ADORA3: variants seen among roughly 807,000 people sequenced by gnomAD.
ADORA3 encodes adenosine receptor A3.
In ADORA3, 3 loss-of-function variants were observed where a neutral mutation model predicts 5.7. The observed-to-expected ratio is 0.52, with a 90% confidence interval of 0.24 to 1.35. The LOEUF is 1.35. Ranked by LOEUF, ADORA3 falls within the 40% of genes most tolerant of loss-of-function variation. ADORA3 has a pLI of 0.17. For missense variants in ADORA3, 343 were observed against 389.0 expected, an observed-to-expected ratio of 0.88 and a Z score of 0.99; for synonymous variants, 168 against 152.3, an observed-to-expected ratio of 1.10 and a Z score of -0.76.
At chr1:111,500,727 A>G in intron 1 of ADORA3, 171 bp from the exon 2 acceptor site, 1 of 650,190 alleles carries the variant, frequency 1.5e-6, no homozygotes, top group South Asian at 2.1e-5. Context: ...TTCCAGCTAA[A>G]CTCCACTGGA....
At position 111,499,918 on chromosome 1, in the gene ADORA3, G is replaced by A. The variant is rs897809219; in HGVS notation, c.*32C>T. ...GTGTTTGTTGATGGGGAATCTGAAG[G>A]TCAATGAGACAGAGTCATCTCTGAT... On this transcript the variant is annotated 3_prime_UTR_variant, in exon 2 of 2. Coordinates refer to ENST00000241356, the MANE Select transcript of ADORA3 (RefSeq NM_000677.4). 9 of 1,603,680 alleles carry A rather than the reference G, an allele frequency of 5.6e-6. No individual in the cohort carries two copies. The highest frequency in any genetic ancestry group is 7.7e-6 in the Non-Finnish European group (9 of 1,173,816).
At chr1:111,500,660 C>G (rs966610604) in intron 1 of ADORA3, 104 bp from the exon 2 acceptor site, 48 of 1,119,502 alleles carry the variant, frequency 4.3e-5, no homozygotes, top group Non-Finnish European at 6.2e-5. Flanking sequence ...AAGGCATATA[C>G]TCTCTTAATT....
intron 1 of ADORA3, chr1:111,501,501 C>T (rs991129362): frequency 1.3e-5 from 2 of 152,116 alleles, no homozygotes; most frequent in African/African-American, 4.8e-5. Flanking sequence ...GTAATGATAG[C>T]CACCATTTAT....
chr1:111,502,987 C>T lies in ADORA3; in HGVS notation c.350+18G>A. ...TCCCAGCTGCCTCAATTGCTGCCCA[C>T]CCCACGCCGCAGGCTACCTGACGGT... On this transcript the variant is annotated intron_variant, in intron 1 of 1. Transcript: ENST00000241356. 1 of 1,609,606 alleles carries T rather than the reference C, an allele frequency of 6.2e-7. No individual in the cohort carries two copies. Among genetic ancestry groups the T allele is most frequent in the Non-Finnish European group, 8.5e-7 (1 of 1,176,884 alleles).
chr1:111,502,940 C>G, intron 1 of ADORA3, 65 bp downstream of exon 1: 1 of 1,580,140 alleles, frequency 6.3e-7, no homozygotes, highest in East Asian at 2.3e-5. Context: ...AAAGTCTGGG[C>G]TCTGGGCTTT....
In ADORA3 at chr1:111,503,132, C is replaced by A; in HGVS notation, c.223G>T (p.Gly75Cys). The change falls in exon 1 of 2, where the codon GGC becomes TGC. Residue 75 changes from glycine (G) to cysteine (C), a missense_variant. By Grantham distance (159) the Gly-to-Cys change is radical. Transcript: ENST00000241356. ...VMPLAIVVSL[G>C]ITIHFYSCLF... is the part of the protein sequence containing the mutation. ...CAGCTGTAGAAGTGGATTGTGATGCCCAGGCTGACAACAATGGCCAAAGGC... is the reference window on the plus strand; with the variant it reads ...CAGCTGTAGAAGTGGATTGTGATGCACAGGCTGACAACAATGGCCAAAGGC... 6.2e-7 allele frequency: 1 copy of A among 1,614,112 alleles called. No individual in the cohort carries two copies.
chr1:111,501,837 T>C (rs989223138), intron 1 of ADORA3, among the ~76,000 whole-genome samples: 4 of 151,682 alleles, frequency 2.6e-5, no homozygotes, highest in Admixed American at 6.6e-5. Flanking sequence ...TGCTCTTTCC[T>C]CCAGAGAAGT....
Position 111,503,072 on chromosome 1 carries a change from G to C in ADORA3, c.283C>G (p.His95Asp). 2 of 1,614,164 alleles carry C rather than the reference G, an allele frequency of 1.2e-6. No homozygotes were observed. Among genetic ancestry groups the C allele is most frequent in the Non-Finnish European group, 1.7e-6 (2 of 1,180,032 alleles). The change falls in exon 1 of 2, where the codon CAC becomes GAC. Residue 95 changes from histidine to aspartate, a missense_variant. Transcript: ENST00000241356. ...FMTCLLLIFTHASIMSLLAIA... is the reference protein window; with the variant it reads ...FMTCLLLIFTDASIMSLLAIA... Reference sequence around the variant, plus strand: ...GCCAGCAAGGACATGATGGAGGCGTGGGTAAAGATAAGCAGTAGGCAAGTC... The same window carrying C: ...GCCAGCAAGGACATGATGGAGGCGTCGGTAAAGATAAGCAGTAGGCAAGTC...
chr1:111,499,977 G>A lies in ADORA3; in HGVS notation c.930C>T (p.Asp310=). The change falls in exon 2 of 2, where the codon GAC becomes GAT. Residue 310 remains aspartate (D), a synonymous_variant. Coordinates refer to ENST00000241356, the MANE Select transcript of ADORA3 (RefSeq NM_000677.4). ...CVVCHPSDSL[D]TSIEKNSE is the part of the protein sequence containing the mutation. ...ACTCAGAATTCTTCTCAATGCTTGT[G>A]TCCAAAGAATCAGAGGGATGGCAGA... 3 of 1,614,144 alleles carry A rather than the reference G, an allele frequency of 1.9e-6. No individual in the cohort carries two copies. Among genetic ancestry groups the A allele is most frequent in the Non-Finnish European group, 2.5e-6 (3 of 1,180,000 alleles).
chr1:111,499,871 G>A lies in ADORA3; in HGVS notation c.*79C>T, dbSNP rs1655071366. The A allele has an allele frequency of 6.4e-7, 1 of 1,556,762 alleles. No individual in the cohort carries two copies. The highest frequency in any genetic ancestry group is 2.2e-5 in the East Asian group (1 of 44,518). On this transcript the variant is annotated 3_prime_UTR_variant, in exon 2 of 2. Transcript: ENST00000241356. ...TAATCAAGGATGTAAAAATCCCTTG[G>A]CCCAGGCATACAGGCCCTCAAGTGT...
chr1:111,501,015 A>G (rs1326908296), intron 1 of ADORA3: 1 of 180,936 alleles, frequency 5.5e-6, no homozygotes, highest in African/African-American at 2.4e-5. Context: ...AATAAGGTGT[A>G]AGCCTAAGAA....
rs745783278 is a variant in ADORA3 at position 111,500,042 on chromosome 1, A to G, written c.865T>C (p.Phe289Leu). The G allele has an allele frequency of 5.4e-5, 87 of 1,614,098 alleles. 1 individual carries two copies. Among genetic ancestry groups the G allele is most frequent in the Non-Finnish European group, 7.3e-5 (86 of 1,180,038 alleles). The change falls in exon 2 of 2, where the codon TTC becomes CTC. Residue 289 changes from phenylalanine (F) to leucine (L), a missense_variant. By Grantham distance (22) the Phe-to-Leu change is conservative (BLOSUM62 0). Transcript: ENST00000241356. ...AGGATCAAAAGGTAGGTTTCCTTGA[A>G]CTTCTTTATTTTATAGGCATAGACG... ...PIVYAYKIKKFKETYLLILKA... is the reference protein window; with the variant it reads ...PIVYAYKIKKLKETYLLILKA...
intron 1 of ADORA3, 97 bp downstream of exon 1, chr1:111,502,908 A>G (rs995997688): frequency 2.7e-6 from 4 of 1,468,752 alleles, no homozygotes; most frequent in Middle Eastern, 4.9e-4. Context: ...TCAAGGGCCA[A>G]TTTGGATACA....
At chr1:111,502,399 T>C (rs186671000) in intron 1 of ADORA3, among the ~76,000 whole-genome samples, 2,382 of 121,130 alleles carry the variant, frequency 0.02, 243 homozygotes, top group East Asian at 0.086. Context: ...ATAGGATACA[T>C]ATATTTATTA....
rs1557824565 is a variant in ADORA3, at chr1:111,502,395, TAC to T, written c.350+608_350+609del. Among the ~76,000 whole-genome samples the T allele has an allele frequency of 2.5e-3, 331 of 133,672 alleles. 9 individuals are homozygous for T. The highest frequency in any genetic ancestry group is 4.0e-3 in the East Asian group (19 of 4,722). 87.7% of individuals were successfully genotyped at this position (133,672 alleles called of 152,430 possible). A position where few individuals can be genotyped will look rare whatever the true frequency, so the allele number is the denominator to read the frequency against. Reference sequence around the variant, plus strand: ...TTTATTATAATGAATATATATAGGATACATATATTTATTATAGTGAATATATA... The same window carrying T: ...TTTATTATAATGAATATATATAGGATATATATTTATTATAGTGAATATATA... On this transcript the variant is annotated intron_variant, in intron 1 of 1. Transcript: ENST00000241356.
Position 111,502,164 on chromosome 1 carries a change from TTATTATAATAAATATATAGGATATATA to T in ADORA3, c.350+814_350+840del, listed in dbSNP as rs1557824147. Among the ~76,000 whole-genome samples, 47 of 32,422 alleles carry T rather than the reference TTATTATAATAAATATATAGGATATATA, an allele frequency of 1.4e-3. 2 individuals are homozygous for T. The highest frequency in any genetic ancestry group is 8.0e-3 in the East Asian group (14 of 1,742). The allele number at this position is 32,422 out of a possible 152,430, so 21.3% of individuals were successfully genotyped here. On this transcript the variant is annotated intron_variant, in intron 1 of 1. Transcript: ENST00000241356. ...TATAATAAATATATAGGATATATAT[TTATTATAATAAATATATAGGATATATA>T]TATTATAATAAATATATAGGATATA... is the stretch of plus-strand genomic sequence containing the variant.
chr1:111,500,039 T>A lies in ADORA3; in HGVS notation c.868A>T (p.Lys290Ter), dbSNP rs1309009403. The A allele has an allele frequency of 6.2e-7, 1 of 1,614,248 alleles. No homozygotes were observed. The highest frequency in any genetic ancestry group is 8.5e-7 in the Non-Finnish European group (1 of 1,180,038). The stretch of plus-strand genomic sequence containing the variant: ...TTGAGGATCAAAAGGTAGGTTTCCT[T>A]GAACTTCTTTATTTTATAGGCATAG... Reference protein sequence around the residue: ...IVYAYKIKKFKETYLLILKAC... With the variant: ...IVYAYKIKKF The change falls in exon 2 of 2, where the codon AAG (lysine) becomes TAG (stop). Residue 290 changes from lysine (K) to a stop codon, truncating the protein, a stop_gained. Coordinates refer to ENST00000241356, the MANE Select transcript of ADORA3 (RefSeq NM_000677.4). LOFTEE classifies it low-confidence loss of function (END_TRUNC).
At chr1:111,500,854 GC>G in intron 1 of ADORA3, 3 of 491,880 alleles carry the variant, frequency 6.1e-6, no homozygotes, top group Admixed American at 3.6e-5. Flanking sequence ...AGAGTCAAGT[GC>G]TTACGTGCTC....
In ADORA3 at chr1:111,500,409, G is replaced by T. The variant is rs768837422; in HGVS notation, c.498C>A (p.Cys166Ter). 6.2e-7 allele frequency: 1 copy of T among 1,614,206 alleles called. No individual in the cohort carries two copies. The highest frequency in any genetic ancestry group is 8.5e-7 in the Non-Finnish European group (1 of 1,180,034). The stretch of plus-strand genomic sequence containing the variant: ...CCATTCTCATGACGGAAACAAATTG[G>T]CATGAAAGGAAGGTGACATTTCTGT... The part of the protein sequence containing the change: ...EYHRNVTFLS[C>*]QFVSVMRMDY... The change falls in exon 2 of 2, where the codon TGC becomes TGA. Residue 166 changes from cysteine to a stop codon, truncating the protein, a stop_gained. Coordinates refer to ENST00000241356, the MANE Select transcript of ADORA3 (RefSeq NM_000677.4). LOFTEE classifies it low-confidence loss of function (END_TRUNC).
Sources: gnomAD v4.1 joint callset for allele counts (sites outside exome capture counted in the v4.1 genomes callset) on GRCh38, gnomAD v4.1.1 for gene constraint, MANE v1.5 for transcripts, NCBI Gene and HGNC (gene_info 2026-07-23, HGNC 2026-07-21) for gene names.